The following TNS3 variants were observed in gnomAD, a reference collection of about 807,000 sequenced individuals.
TNS3 encodes the protein tensin-3.
A neutral mutation model predicts 140.9 loss-of-function variants in TNS3; 45 were observed. That is an observed-to-expected ratio of 0.32 (90% CI 0.25 to 0.41). The LOEUF (loss-of-function observed/expected upper bound fraction) is 0.41, where lower values mean the gene tolerates loss of function less well. TNS3 is among the 10% of genes least tolerant of loss of function. The probability of loss-of-function intolerance (pLI) is 1.00; values close to 1 mark genes in which losing one functional copy is unlikely to be tolerated. For synonymous variants in TNS3, 815 were observed against 788.4 expected (o/e 1.03, Z -0.56); for missense variants, 1,716 against 1,906.7 (o/e 0.90, Z 1.86).
rs1784934948 is a variant in TNS3, at chr7:47,277,810, G to T, written c.*266C>A. The stretch of plus-strand genomic sequence containing the variant: ...TGTCCCTTTCCCATGGGGACCCTAG[G>T]GGGTGGGGTGCACCCATGCCCAGCT... On this transcript the variant is annotated 3_prime_UTR_variant, in exon 31 of 31. Transcript: ENST00000311160. 3.8e-6 allele frequency: 2 copies of T among 527,708 alleles called. No homozygotes were observed. The highest frequency in any genetic ancestry group is 2.8e-5 in the Admixed American group (1 of 35,498). The allele number at this position is 527,708 out of a possible 1,614,324, so 32.7% of individuals were successfully genotyped here.
chr7:47,435,167 A>G lies in TNS3; in HGVS notation c.324+115T>C, dbSNP rs555289620. On this transcript the variant is annotated intron_variant, in intron 8 of 30. Coordinates refer to ENST00000311160, the MANE Select transcript of TNS3 (RefSeq NM_022748.12). ...AAAACCTAAAGACAAACCCATAAGG[A>G]GCACATCGCACCAGCTCAAAGCGGA... The G allele has an allele frequency of 1.2e-5, 17 of 1,381,234 alleles. No homozygotes were observed. In the African/African-American group the frequency reaches 2.3e-4, roughly 19 times the overall value. The allele number at this position is 1,381,234 out of a possible 1,614,324, so 85.6% of individuals were successfully genotyped here.
At chr7:47,299,960 A>T (rs1786294924) in intron 23 of TNS3, among the ~76,000 whole-genome samples, 1 of 152,048 alleles carries the variant, frequency 6.6e-6, no homozygotes, top group South Asian at 2.1e-4. Context: ...GAGAAGCAAC[A>T]CCCCAGAAGT....
At chr7:47,424,278 G>A in intron 9 of TNS3, 94 bp from the exon 10 acceptor site, 23 of 1,240,782 alleles carry the variant, frequency 1.9e-5, no homozygotes, top group South Asian at 3.9e-5. Flanking sequence ...TGTTCAAAGC[G>A]ACCAGCTCCC....
chr7:47,285,352 T>C (rs1484180334), intron 27 of TNS3, among the ~76,000 whole-genome samples: 1 of 152,202 alleles, frequency 6.6e-6, no homozygotes. Context: ...TTCCCATGTG[T>C]GGTGGGAGCA....
At chr7:47,289,449 G>C (rs2150591465) in intron 27 of TNS3, among the ~76,000 whole-genome samples, 1 of 152,294 alleles carries the variant, frequency 6.6e-6, no homozygotes, top group East Asian at 1.9e-4. Context: ...GAGCCCTATG[G>C]TGTGTGGTTT....
intron 15 of TNS3, among the ~76,000 whole-genome samples, chr7:47,399,714 A>G (rs1471967279): frequency 6.6e-6 from 1 of 152,254 alleles, no homozygotes. Context: ...ACCTGAAACC[A>G]TAAAAAGTCT....
intron 1 of TNS3, among the ~76,000 whole-genome samples, chr7:47,574,643 A>ACACG (rs1800633583): frequency 6.6e-6 from 1 of 151,794 alleles, no homozygotes. Context: ...ACACACACAC[A>ACACG]CACACCCCCA....
intron 27 of TNS3, among the ~76,000 whole-genome samples, chr7:47,290,838 C>T (rs904217690): frequency 7.9e-5 from 12 of 152,200 alleles, no homozygotes; most frequent in South Asian, 4.1e-4. Flanking sequence ...TTGGTATCTA[C>T]GCACAGGAGT....
At chr7:47,367,193 C>G (rs1196992698) in intron 17 of TNS3, among the ~76,000 whole-genome samples, 1 of 152,210 alleles carries the variant, frequency 6.6e-6, no homozygotes, top group East Asian at 1.9e-4. Flanking sequence ...ACAGCCTGGC[C>G]GTCCTCTCCT....
intron 4 of TNS3, among the ~76,000 whole-genome samples, chr7:47,461,579 A>G (rs1796493554): frequency 6.6e-6 from 1 of 152,192 alleles, no homozygotes; most frequent in Non-Finnish European, 1.5e-5. Context: ...GGAGCCGGGC[A>G]CTGCATGCCC....
chr7:47,323,051 G>A (rs1787837395), intron 20 of TNS3, among the ~76,000 whole-genome samples: 1 of 152,168 alleles, frequency 6.6e-6, no homozygotes, highest in African/African-American at 2.4e-5. Flanking sequence ...CTGCAGCTCT[G>A]CACACCCTGG....
intron 1 of TNS3, among the ~76,000 whole-genome samples, chr7:47,552,226 T>C (rs1800083139): frequency 6.6e-6 from 1 of 152,240 alleles, no homozygotes; most frequent in South Asian, 2.1e-4. Context: ...AACAGTAATC[T>C]TGCCAAGCCA....
chr7:47,339,908 G>C (rs899162059), intron 20 of TNS3, among the ~76,000 whole-genome samples: 1 of 149,366 alleles, frequency 6.7e-6, no homozygotes, highest in East Asian at 2.0e-4. Flanking sequence ...TGCATGGTTT[G>C]CTAGGTTTAC....
intron 24 of TNS3, among the ~76,000 whole-genome samples, chr7:47,294,662 C>T (rs1383032005): frequency 6.6e-6 from 1 of 152,190 alleles, no homozygotes; most frequent in East Asian, 1.9e-4. Flanking sequence ...TGGGCTTGGT[C>T]CCCAGTGCCT....
intron 26 of TNS3, 142 bp from the exon 27 acceptor site, chr7:47,292,174 C>T: frequency 1.3e-6 from 1 of 757,324 alleles, no homozygotes; most frequent in Non-Finnish European, 2.1e-6. Context: ...CTCTTTGGGA[C>T]AATAATTTGG....
chr7:47,493,921 A>C (rs1045769954), intron 3 of TNS3, among the ~76,000 whole-genome samples: 3 of 152,242 alleles, frequency 2.0e-5, no homozygotes, highest in African/African-American at 7.2e-5. Flanking sequence ...TTGAGCTGCA[A>C]ATGGCCAACT....
At chr7:47,380,436 C>G (rs1315485584) in intron 16 of TNS3, among the ~76,000 whole-genome samples, 2 of 152,236 alleles carry the variant, frequency 1.3e-5, no homozygotes, top group Non-Finnish European at 2.9e-5. Flanking sequence ...AGCTTGCAAA[C>G]AGCATGTCAG....
chr7:47,543,506 C>T (rs1275223715), intron 1 of TNS3, among the ~76,000 whole-genome samples: 2 of 152,212 alleles, frequency 1.3e-5, no homozygotes, highest in African/African-American at 4.8e-5. Flanking sequence ...TCCTAGGAGA[C>T]AAGGAGTCCA....
intron 1 of TNS3, among the ~76,000 whole-genome samples, chr7:47,570,819 TTC>T (rs1356814594): frequency 3.9e-5 from 6 of 152,206 alleles, no homozygotes; most frequent in African/African-American, 1.2e-4. Context: ...ATCATTTTTT[TTC>T]TTTCTTTTTT....
Sources: allele counts gnomAD v4.1 joint callset (sites outside exome capture counted in the v4.1 genomes callset), GRCh38; gene constraint gnomAD v4.1.1; transcripts MANE v1.5; gene names NCBI Gene and HGNC (gene_info 2026-07-23, HGNC 2026-07-21).